DIP2B: variants seen among roughly 807,000 people sequenced by gnomAD.
DIP2B encodes disco-interacting protein 2 homolog B.
Under a neutral mutation model 198.0 loss-of-function variants are expected in DIP2B, and 76 were observed. The observed-to-expected ratio is 0.38, with a 90% CI of 0.32 to 0.46. The LOEUF (loss-of-function observed/expected upper bound fraction) is 0.46, where lower values mean the gene tolerates loss of function less well. DIP2B is among the 20% of genes least tolerant of loss of function. The probability of loss-of-function intolerance (pLI) is 0.99; values close to 1 mark genes in which losing one functional copy is unlikely to be tolerated. For synonymous variants in DIP2B, 701 were observed against 739.1 expected (o/e 0.95, Z 0.84); for missense variants, 1,559 against 1,978.4 (o/e 0.79, Z 4.02).
chr12:50,728,455 T>A (rs1939976283), intron 29 of DIP2B, 93 bp from the exon 30 acceptor site: 1 of 1,433,028 alleles, frequency 7.0e-7, no homozygotes, highest in African/African-American at 1.4e-5. Context: ...TTGAGGAGTT[T>A]AGGGAATTGA....
At chr12:50,702,938 T>C (rs1176962862) in intron 19 of DIP2B, among the ~76,000 whole-genome samples, 2 of 152,094 alleles carry the variant, frequency 1.3e-5, no homozygotes, top group Non-Finnish European at 2.9e-5. Context: ...AAAAAAATTT[T>C]TTTAAGTCTG....
At chr12:50,630,663 C>CTTTTTTTTT (rs11327858) in intron 2 of DIP2B, among the ~76,000 whole-genome samples, 65 of 74,576 alleles carry the variant, frequency 8.7e-4, no homozygotes, top group African/African-American at 2.0e-3. Flanking sequence ...TCTTTCTTTT[C>CTTTTTTTTT]TTTTTTTTTT....
chr12:50,561,483 A>G (rs576538180), intron 1 of DIP2B, among the ~76,000 whole-genome samples: 3 of 151,994 alleles, frequency 2.0e-5, no homozygotes, highest in South Asian at 4.1e-4. Context: ...CTGTGAAACT[A>G]TTCAGAGTAC....
intron 1 of DIP2B, among the ~76,000 whole-genome samples, chr12:50,511,946 CAAAAAAA>C (rs1294473966): frequency 3.4e-4 from 9 of 26,576 alleles, no homozygotes; most frequent in East Asian, 2.6e-3. Context: ...GACTCCGTCT[CAAAAAAA>C]AAAAAAAAAA....
chr12:50,540,547 CT>C (rs55910419), intron 1 of DIP2B, among the ~76,000 whole-genome samples: 190 of 128,370 alleles, frequency 1.5e-3, no homozygotes, highest in Admixed American at 1.5e-3. Context: ...TAAAAAAATT[CT>C]TTTTTTTTTT....
At chr12:50,545,888 G>A (rs781194215) in intron 1 of DIP2B, among the ~76,000 whole-genome samples, 1 of 152,052 alleles carries the variant, frequency 6.6e-6, no homozygotes, top group South Asian at 2.1e-4. Context: ...CACCCGCCTC[G>A]GCCTCTCAAA....
intron 1 of DIP2B, among the ~76,000 whole-genome samples, chr12:50,524,924 C>T (rs554589890): frequency 2.6e-5 from 4 of 152,124 alleles, no homozygotes; most frequent in African/African-American, 4.8e-5. Context: ...CAGGGTCTTG[C>T]CATGTTTCCC....
chr12:50,726,188 A>C (rs1939930070), intron 28 of DIP2B, among the ~76,000 whole-genome samples: 1 of 152,236 alleles, frequency 6.6e-6, no homozygotes, highest in Non-Finnish European at 1.5e-5. Flanking sequence ...ACTCAGAGTC[A>C]GACATCCTTC....
At position 50,698,895 on chromosome 12, in the gene DIP2B, T is replaced by C. The variant is rs17124914; in HGVS notation, c.2189-171T>C. Among the ~76,000 whole-genome samples, 446 of 152,364 alleles carry C rather than the reference T, an allele frequency of 2.9e-3. 5 individuals are homozygous for C. Among genetic ancestry groups the C allele is most frequent in the African/African-American group, 0.01 (423 of 41,590 alleles). On this transcript the variant is annotated intron_variant, in intron 18 of 37. Coordinates refer to ENST00000301180, the MANE Select transcript of DIP2B (RefSeq NM_173602.3). ...TGTCACTGTCTCTACAAGCTTTACA[T>C]TTCAAATATACCTATGTAGTTTCAG...
At chr12:50,591,875 T>C (rs970144948) in intron 1 of DIP2B, among the ~76,000 whole-genome samples, 1 of 150,564 alleles carries the variant, frequency 6.6e-6, no homozygotes, top group African/African-American at 2.4e-5. Context: ...TTCTTTATTT[T>C]TGTGTGTTTT....
rs1371984209 is a variant in DIP2B, at chr12:50,747,024, G to A, written c.*2185G>A. On this transcript the variant is annotated 3_prime_UTR_variant, in exon 38 of 38. Transcript: ENST00000301180. ...TTTTTAAAAGTAAAAAGAAACCCAT[G>A]GTATTGATTTAAATATATTTTATTT... 2 of 151,874 alleles carry A rather than the reference G, an allele frequency of 1.3e-5. No individual in the cohort carries two copies. The highest frequency in any genetic ancestry group is 2.9e-5 in the Non-Finnish European group (2 of 67,948). The allele number at this position is 151,874 out of a possible 1,614,324, so 9.4% of individuals were successfully genotyped here.
At chr12:50,560,396 CAA>C (rs1243608970) in intron 1 of DIP2B, among the ~76,000 whole-genome samples, 1 of 115,788 alleles carries the variant, frequency 8.6e-6, no homozygotes, top group African/African-American at 3.2e-5. Flanking sequence ...ACTCCATCTC[CAA>C]AAAAAAAAAA....
At chr12:50,568,239 T>C (rs1777708488) in intron 1 of DIP2B, among the ~76,000 whole-genome samples, 1 of 152,196 alleles carries the variant, frequency 6.6e-6, no homozygotes, top group Non-Finnish European at 1.5e-5. Context: ...ATATGCAAGC[T>C]TGGAGGTCAG....
At chr12:50,704,785 C>CG (rs1939484159) in intron 20 of DIP2B, among the ~76,000 whole-genome samples, 1 of 151,992 alleles carries the variant, frequency 6.6e-6, no homozygotes, top group Admixed American at 6.6e-5. Flanking sequence ...GCCAACATGG[C>CG]AAATTCTGTG....
At chr12:50,647,978 C>T (rs542631080) in intron 3 of DIP2B, among the ~76,000 whole-genome samples, 4 of 152,192 alleles carry the variant, frequency 2.6e-5, no homozygotes, top group Middle Eastern at 6.8e-3. Flanking sequence ...TGGTGGCGTG[C>T]GCCTGTAGTA....
Position 50,693,070 on chromosome 12 carries a change from ATGTTGTATAAC to A in DIP2B, c.1719+60_1719+70del. The A allele has an allele frequency of 9.3e-6, 14 of 1,502,138 alleles. No individual in the cohort carries two copies. The South Asian group carries it at 1.7e-4, about 18-fold the overall frequency. 93.1% of individuals were successfully genotyped at this position (1,502,138 alleles called of 1,614,324 possible). ...AAATTGTGCTTGAGATAAGGCCAGC[ATGTTGTATAAC>A]TGGAGCATCTCTCAGTGCTTGTTTG... is the stretch of plus-strand genomic sequence containing the variant. On this transcript the variant is annotated intron_variant, in intron 14 of 37. Coordinates refer to ENST00000301180, the MANE Select transcript of DIP2B (RefSeq NM_173602.3).
chr12:50,538,666 AAAT>A (rs1958291997), intron 1 of DIP2B, among the ~76,000 whole-genome samples: 1 of 152,192 alleles, frequency 6.6e-6, no homozygotes, highest in Admixed American at 6.5e-5. Flanking sequence ...TTATCAAAGT[AAAT>A]AATGTTTATA....
At chr12:50,532,811 C>T (rs1230634089) in intron 1 of DIP2B, among the ~76,000 whole-genome samples, 3 of 152,174 alleles carry the variant, frequency 2.0e-5, no homozygotes, top group Admixed American at 6.5e-5. Context: ...TCCTTGGGCT[C>T]TCAGGGAAGT....
intron 1 of DIP2B, among the ~76,000 whole-genome samples, chr12:50,593,707 CCTCCT>C (rs1565836987): frequency 2.6e-4 from 7 of 27,398 alleles, no homozygotes; most frequent in African/African-American, 5.9e-4. Context: ...TCTCCTCTCC[CCTCCT>C]CTCCTCTCCT....
Sources: allele counts gnomAD v4.1 joint callset (sites outside exome capture counted in the v4.1 genomes callset), GRCh38; gene constraint gnomAD v4.1.1; transcripts MANE v1.5; gene names NCBI Gene and HGNC (gene_info 2026-07-23, HGNC 2026-07-21).